The following CPNE4 variants were observed in gnomAD, a reference collection of about 807,000 sequenced individuals.
CPNE4 encodes the protein copine-4.
CPNE4 carries 25 observed loss-of-function variants against 67.9 expected under a neutral mutation model. That is an observed-to-expected ratio of 0.37 (90% CI 0.27 to 0.51). The LOEUF is 0.51. Among genes scored for constraint, CPNE4 ranks in the 20% least tolerant of loss-of-function variants. The probability of loss-of-function intolerance (pLI) is 0.93; values close to 1 mark genes in which losing one functional copy is unlikely to be tolerated. For synonymous variants in CPNE4, 242 were observed against 244.9 expected, an observed-to-expected ratio of 0.99 and a Z score of 0.11; for missense variants, 464 against 690.8, an observed-to-expected ratio of 0.67 and a Z score of 3.68.
At chr3:132,018,732 T>C (rs2073935942) in intron 1 of CPNE4, among the ~76,000 whole-genome samples, 1 of 152,156 alleles carries the variant, frequency 6.6e-6, no homozygotes, top group African/African-American at 2.4e-5. Context: ...TATCTGCCTA[T>C]CCAAACTCAT....
Position 131,650,709 on chromosome 3 carries a change from C to T in CPNE4, c.681+18966G>A, listed in dbSNP as rs562737323. 1.4e-4 allele frequency among the ~76,000 whole-genome samples: 16 copies of T among 118,462 alleles called. No homozygotes were observed. The South Asian group carries it at 3.3e-3, about 25-fold the overall frequency. 77.7% of individuals were successfully genotyped at this position (118,462 alleles called of 152,430 possible). A position where few individuals can be genotyped will look rare whatever the true frequency, so the allele number is the denominator to read the frequency against. ...GCAGTGAGCCGAGATCGCGCCACTGCACTCCAGCCTGGGGGACAGAGCAAG... is the reference window on the plus strand; with the variant it reads ...GCAGTGAGCCGAGATCGCGCCACTGTACTCCAGCCTGGGGGACAGAGCAAG... On this transcript the variant is annotated intron_variant, in intron 7 of 15. Coordinates refer to ENST00000429747, the MANE Select transcript of CPNE4 (RefSeq NM_130808.3).
At chr3:131,785,338 A>G (rs1288056125) in intron 2 of CPNE4, among the ~76,000 whole-genome samples, 4 of 152,036 alleles carry the variant, frequency 2.6e-5, no homozygotes, top group African/African-American at 9.6e-5. Flanking sequence ...CTTTGTTTCC[A>G]ACACCTGCAA....
intron 2 of CPNE4, among the ~76,000 whole-genome samples, chr3:131,725,141 T>C (rs2081973359): frequency 1.3e-5 from 2 of 152,210 alleles, no homozygotes; most frequent in African/African-American, 4.8e-5. Context: ...AGGAAAATAG[T>C]CTCTCAATAA....
intron 2 of CPNE4, among the ~76,000 whole-genome samples, chr3:131,884,654 G>A (rs867592528): frequency 5.3e-5 from 8 of 152,266 alleles, no homozygotes; most frequent in African/African-American, 7.2e-5. Flanking sequence ...TAATTCCCAC[G>A]TGTTGTGGGA....
At chr3:131,996,055 A>T (rs1236596506) in intron 1 of CPNE4, among the ~76,000 whole-genome samples, 5 of 152,194 alleles carry the variant, frequency 3.3e-5, no homozygotes, top group Non-Finnish European at 7.3e-5. Context: ...CAATCCATTT[A>T]AAAAAATATA....
At chr3:131,851,490 G>T (rs564918853) in intron 2 of CPNE4, among the ~76,000 whole-genome samples, 1 of 152,134 alleles carries the variant, frequency 6.6e-6, no homozygotes, top group East Asian at 1.9e-4. Context: ...CACACAGAAA[G>T]GTTCCAAGGG....
chr3:131,801,448 G>GTATATATATA (rs1468625662), intron 2 of CPNE4, among the ~76,000 whole-genome samples: 34 of 59,816 alleles, frequency 5.7e-4, no homozygotes, highest in African/African-American at 2.3e-3. Flanking sequence ...GTGTGTGTGT[G>GTATATATATA]TGTGTATATA....
intron 2 of CPNE4, among the ~76,000 whole-genome samples, chr3:131,765,888 C>A (rs2082999675): frequency 6.6e-6 from 1 of 151,988 alleles, no homozygotes; most frequent in Non-Finnish European, 1.5e-5. Context: ...CTATTGGGAC[C>A]AAATGGTGCA....
chr3:131,683,310 C>T (rs990028617), intron 6 of CPNE4, among the ~76,000 whole-genome samples: 1 of 152,226 alleles, frequency 6.6e-6, no homozygotes, highest in Non-Finnish European at 1.5e-5. Flanking sequence ...CTGGCTACAA[C>T]TGCTGATTAT....
chr3:131,702,534 C>G (rs946583832), intron 3 of CPNE4, among the ~76,000 whole-genome samples: 1 of 152,178 alleles, frequency 6.6e-6, no homozygotes, highest in African/African-American at 2.4e-5. Context: ...CAAATCTGGT[C>G]TCAGAAATAC....
chr3:131,643,507 G>C (rs1034897545), intron 7 of CPNE4, among the ~76,000 whole-genome samples: 2 of 152,198 alleles, frequency 1.3e-5, no homozygotes, highest in East Asian at 1.9e-4. Context: ...GATCAGATGA[G>C]ACTTTGGACT....
rs191875888 is a variant in CPNE4, at chr3:131,822,898, T to C, written c.180+82366A>G. 3.7e-3 allele frequency among the ~76,000 whole-genome samples: 561 copies of C among 152,236 alleles called. 6 individuals are homozygous for C. Among genetic ancestry groups the C allele is most frequent in the African/African-American group, 0.013 (524 of 41,540 alleles). On this transcript the variant is annotated intron_variant, in intron 2 of 15. Coordinates refer to ENST00000429747, the MANE Select transcript of CPNE4 (RefSeq NM_130808.3). Reference sequence around the variant, plus strand: ...TGTCACCCAGGCTGGAGTGCAGTGGTGCGATCTCGGCTCACCTGCAACCTC... The same window carrying C: ...TGTCACCCAGGCTGGAGTGCAGTGGCGCGATCTCGGCTCACCTGCAACCTC...
At chr3:131,980,108 C>T (rs1430027491) in intron 1 of CPNE4, among the ~76,000 whole-genome samples, 1 of 152,100 alleles carries the variant, frequency 6.6e-6, no homozygotes, top group East Asian at 1.9e-4. Context: ...CCTGGTCCTT[C>T]TCTCTCACAG....
intron 1 of CPNE4, among the ~76,000 whole-genome samples, chr3:131,937,735 T>A (rs1348577146): frequency 1.3e-5 from 2 of 152,058 alleles, no homozygotes; most frequent in Non-Finnish European, 2.9e-5. Flanking sequence ...AAAGATGGAG[T>A]AAGATTGCTA....
intron 1 of CPNE4, among the ~76,000 whole-genome samples, chr3:131,935,246 A>T (rs2071189466): frequency 6.6e-6 from 1 of 152,042 alleles, no homozygotes; most frequent in Admixed American, 6.6e-5. Flanking sequence ...GATTGAGAGT[A>T]CTTGCAAGAG....
At chr3:131,717,159 T>A (rs2081717972) in intron 3 of CPNE4, among the ~76,000 whole-genome samples, 1 of 152,186 alleles carries the variant, frequency 6.6e-6, no homozygotes, top group Non-Finnish European at 1.5e-5. Flanking sequence ...GGGTAAAAAG[T>A]TCTGCCTGTC....
rs1006618601 is a variant in CPNE4 at position 131,598,450 on chromosome 3, G to T, written c.682-10868C>A. Among the ~76,000 whole-genome samples, 7 of 152,100 alleles carry T rather than the reference G, an allele frequency of 4.6e-5. No individual in the cohort carries two copies. In the Middle Eastern group the frequency reaches 0.014, roughly 296 times the overall value. ...AACAATACTCCCTTTGTTTTCTTTT[G>T]TTAGGTATCATTATATCCCTTTGAC... On this transcript the variant is annotated intron_variant, in intron 7 of 15. Transcript: ENST00000429747.
chr3:131,708,957 G>GATAGATAT (rs1553757019), intron 3 of CPNE4, among the ~76,000 whole-genome samples: 2 of 65,848 alleles, frequency 3.0e-5, no homozygotes, highest in South Asian at 6.4e-4. Context: ...AGGGCATAAA[G>GATAGATAT]ATATATATAT....
At chr3:131,777,958 T>C (rs1046170011) in intron 2 of CPNE4, among the ~76,000 whole-genome samples, 1 of 152,072 alleles carries the variant, frequency 6.6e-6, no homozygotes, top group African/African-American at 2.4e-5. Context: ...CTCACACTGA[T>C]TCTGTATGAT....
Sources: allele counts gnomAD v4.1 joint callset (sites outside exome capture counted in the v4.1 genomes callset), GRCh38; gene constraint gnomAD v4.1.1; transcripts MANE v1.5; gene names NCBI Gene and HGNC (gene_info 2026-07-23, HGNC 2026-07-21).